PCDHGA10: variants seen among roughly 807,000 people sequenced by gnomAD.
PCDHGA10 encodes the protein protocadherin gamma-A10.
A neutral mutation model predicts 59.5 loss-of-function variants in PCDHGA10; 42 were observed. The observed-to-expected ratio is 0.71, with a 90% CI of 0.55 to 0.91. The LOEUF is 0.91. Among genes scored for constraint, PCDHGA10 ranks in the 40% least tolerant of loss-of-function variants. The pLI, the probability that PCDHGA10 is intolerant of heterozygous loss-of-function variation, is 0.00. For missense variants in PCDHGA10, 1,111 were observed against 1,198.2 expected (o/e 0.93, Z 1.07); for synonymous variants, 511 against 517.2 (o/e 0.99, Z 0.16).
At chr5:141,441,527 A>G (rs2098252922) in intron 1 of PCDHGA10, 2 of 173,076 alleles carry the variant, frequency 1.2e-5, no homozygotes, top group African/African-American at 2.4e-5. Flanking sequence ...GTGGCCAAGA[A>G]CAATCTTCCC....
chr5:141,418,411 C>T, intron 1 of PCDHGA10: 1 of 1,613,986 alleles, frequency 6.2e-7, no homozygotes, highest in East Asian at 2.2e-5. Flanking sequence ...TGGAGAAAGA[C>T]AATCCTGATG....
intron 1 of PCDHGA10, chr5:141,421,166 A>T: frequency 7.7e-7 from 1 of 1,301,524 alleles, no homozygotes; most frequent in Non-Finnish European, 1.0e-6. Context: ...CTTCATAGAT[A>T]CATAAGCCGA....
At chr5:141,424,668 A>G (rs1561816018) in intron 1 of PCDHGA10, 1 of 152,196 alleles carries the variant, frequency 6.6e-6, no homozygotes, top group Non-Finnish European at 1.5e-5. Flanking sequence ...AATTAAACTG[A>G]TTTAGCTAGT....
chr5:141,421,420 G>C, intron 1 of PCDHGA10: 1 of 1,614,084 alleles, frequency 6.2e-7, no homozygotes, highest in Non-Finnish European at 8.5e-7. Context: ...GAAGCGCGGA[G>C]TCCGCATCGT....
rs549866784 is a variant in PCDHGA10, at chr5:141,437,490, A to G, written c.2436+21879A>G. ...TTTTATAGCATATTTAATCTCGTAGATCACTTTTCAATGAATTATAAGGCT... is the reference window on the plus strand; with the variant it reads ...TTTTATAGCATATTTAATCTCGTAGGTCACTTTTCAATGAATTATAAGGCT... On this transcript the variant is annotated intron_variant, in intron 1 of 3. Coordinates refer to ENST00000398610, the MANE Select transcript of PCDHGA10 (RefSeq NM_018913.3). 2.0e-5 allele frequency among the ~76,000 whole-genome samples: 3 copies of G among 152,308 alleles called. No homozygotes were observed. In the East Asian group the frequency reaches 5.8e-4, roughly 29 times the overall value.
intron 1 of PCDHGA10, among the ~76,000 whole-genome samples, chr5:141,484,740 G>GA (rs1047805396): frequency 2.0e-5 from 3 of 150,646 alleles, no homozygotes; most frequent in Admixed American, 1.3e-4. Context: ...GGTGTGTTAG[G>GA]AAAAAAAATG....
intron 1 of PCDHGA10, chr5:141,419,043 ATTC>A (rs560207463): frequency 6.2e-5 from 100 of 1,613,840 alleles, no homozygotes; most frequent in Non-Finnish European, 8.1e-5. Context: ...TTTAAGATTC[ATTC>A]TTCTTCTAAT....
In PCDHGA10 at chr5:141,476,776, G is replaced by A. The variant is rs764674164; in HGVS notation, c.2437-18031G>A. 9.3e-6 allele frequency: 15 copies of A among 1,612,744 alleles called. No homozygotes were observed. The highest frequency in any genetic ancestry group is 1.3e-5 in the Non-Finnish European group (15 of 1,179,218). On this transcript the variant is annotated intron_variant, in intron 1 of 3. Coordinates refer to ENST00000398610, the MANE Select transcript of PCDHGA10 (RefSeq NM_018913.3). This position sits in a 1 kb window ranked among gnomAD's most constrained non-coding sequence, Gnocchi z 7.6. ...TAGTGCTGACGGCGTTGGACGGAGG[G>A]ACCCCAGCTCTCTCCGCCAGCCTGC...
At chr5:141,497,465 G>A (rs189158903) in intron 2 of PCDHGA10, among the ~76,000 whole-genome samples, 1 of 152,024 alleles carries the variant, frequency 6.6e-6, no homozygotes, top group East Asian at 1.9e-4. Flanking sequence ...TTGGAGATAT[G>A]GAGGAGAAGG....
intron 1 of PCDHGA10, chr5:141,417,038 T>TAAA (rs567249795): frequency 5.5e-5 from 8 of 145,968 alleles, no homozygotes; most frequent in East Asian, 2.0e-4. Context: ...GTTTTTTTTT[T>TAAA]AAAAAAAACT....
In PCDHGA10 at chr5:141,486,649, C is replaced by G; in HGVS notation, c.2437-8158C>G. On this transcript the variant is annotated intron_variant, in intron 1 of 3. Transcript: ENST00000398610. This position sits in a 1 kb window ranked among gnomAD's most constrained non-coding sequence, Gnocchi z 5.0. The stretch of plus-strand genomic sequence containing the variant: ...CTGGCTTGAATGCGCTTATCTCCTA[C>G]TCACTCCTGGAGCCCAGGAATCGAG... The G allele has an allele frequency of 6.2e-7, 1 of 1,613,952 alleles. No individual in the cohort carries two copies. The highest frequency in any genetic ancestry group is 8.5e-7 in the Non-Finnish European group (1 of 1,180,034).
Position 141,413,166 on chromosome 5 carries a change from C to A in PCDHGA10, c.-10C>A, listed in dbSNP as rs758193163. 1.9e-6 allele frequency: 3 copies of A among 1,590,396 alleles called. No individual in the cohort carries two copies. The highest frequency in any genetic ancestry group is 2.3e-5 in the South Asian group (2 of 87,900). On this transcript the variant is annotated 5_prime_UTR_variant, in exon 1 of 4. Coordinates refer to ENST00000398610, the MANE Select transcript of PCDHGA10 (RefSeq NM_018913.3). ...GTGAGGACTTTGCAGAATTCTGTAA[C>A]CAGACTACAATGGCCGCTCAAAGGA...
Position 141,510,964 on chromosome 5 carries a change from T to C in PCDHGA10, c.2602T>C (p.Ser868Pro), listed in dbSNP as rs1237904575. 6.2e-7 allele frequency: 1 copy of C among 1,614,084 alleles called. No individual in the cohort carries two copies. Among genetic ancestry groups the C allele is most frequent in the South Asian group, 1.1e-5 (1 of 91,082 alleles). The change falls in exon 4 of 4, where the codon TCC becomes CCC. Residue 868 changes from serine to proline, a missense_variant. Coordinates refer to ENST00000398610, the MANE Select transcript of PCDHGA10 (RefSeq NM_018913.3). ...CTCTGCAGAAGCTGCTGATGGGAGC[T>C]CCACCCTGGGAGGGGGTGCCGGCAC... is the stretch of plus-strand genomic sequence containing the variant. The part of the protein sequence containing the change: ...ASASEAADGS[S>P]TLGGGAGTMG...
chr5:141,424,018 CACAA>C (rs909442976), intron 1 of PCDHGA10: 3 of 1,051,682 alleles, frequency 2.9e-6, no homozygotes, highest in South Asian at 4.6e-5. Context: ...ATTAATGATT[CACAA>C]ACACTTTTTA....
In PCDHGA10 at chr5:141,476,178, T is replaced by G; in HGVS notation, c.2437-18629T>G. Reference sequence around the variant, plus strand: ...ACCGGGAGGGTAGTGGGAGTTTTGCTTCTGCTTGGTGCCTTGAACAAGGCT... The same window carrying G: ...ACCGGGAGGGTAGTGGGAGTTTTGCGTCTGCTTGGTGCCTTGAACAAGGCT... On this transcript the variant is annotated intron_variant, in intron 1 of 3. Transcript: ENST00000398610. This position sits in a 1 kb window ranked among gnomAD's most constrained non-coding sequence, Gnocchi z 7.6. The G allele has an allele frequency of 3.1e-6, 5 of 1,613,632 alleles. No homozygotes were observed. Among genetic ancestry groups the G allele is most frequent in the Non-Finnish European group, 4.2e-6 (5 of 1,180,000 alleles).
chr5:141,429,638 A>G (rs2097231013), intron 1 of PCDHGA10, among the ~76,000 whole-genome samples: 1 of 152,238 alleles, frequency 6.6e-6, no homozygotes, highest in African/African-American at 2.4e-5. Flanking sequence ...ACAGCTACCT[A>G]TATATTTCTT....
In PCDHGA10 at chr5:141,485,186, G is replaced by T; in HGVS notation, c.2437-9621G>T. ...GCGGGCGGCAGCAATGCTCCGCAAG[G>T]TGAGAAGCTGGACAGAAATCTGGCG... On this transcript the variant is annotated intron_variant, in intron 1 of 3. Coordinates refer to ENST00000398610, the MANE Select transcript of PCDHGA10 (RefSeq NM_018913.3). This position sits in a 1 kb window ranked among gnomAD's most constrained non-coding sequence, Gnocchi z 5.7. 1 of 1,613,706 alleles carries T rather than the reference G, an allele frequency of 6.2e-7. No individual in the cohort carries two copies. The highest frequency in any genetic ancestry group is 8.5e-7 in the Non-Finnish European group (1 of 1,179,644).
Position 141,485,369 on chromosome 5 carries a change from G to T in PCDHGA10, c.2437-9438G>T. On this transcript the variant is annotated intron_variant, in intron 1 of 3. Transcript: ENST00000398610. This position sits in a 1 kb window ranked among gnomAD's most constrained non-coding sequence, Gnocchi z 5.7. ...CAGTCTGTCAGCTCGCAGGCTGCAG[G>T]TCGCTGGAGAGGTGAACCAAAGACA... 1 of 1,614,154 alleles carries T rather than the reference G, an allele frequency of 6.2e-7. No individual in the cohort carries two copies. The highest frequency in any genetic ancestry group is 1.1e-5 in the South Asian group (1 of 91,088).
In PCDHGA10 at chr5:141,431,118, A is replaced by T. The variant is rs2097344347; in HGVS notation, c.2436+15507A>T. On this transcript the variant is annotated intron_variant, in intron 1 of 3. Coordinates refer to ENST00000398610, the MANE Select transcript of PCDHGA10 (RefSeq NM_018913.3). This position sits in a 1 kb window ranked among gnomAD's most constrained non-coding sequence, Gnocchi z 4.8. ...GATAAAGTGAAAATATATGGAGTAG[A>T]AGTAGAAGTAAGGGACATTAACGAC... is the stretch of plus-strand genomic sequence containing the variant. The T allele has an allele frequency of 6.2e-7, 1 of 1,614,182 alleles. No homozygotes were observed. Among genetic ancestry groups the T allele is most frequent in the African/African-American group, 1.3e-5 (1 of 75,070 alleles).
Sources: allele counts gnomAD v4.1 joint callset (sites outside exome capture counted in the v4.1 genomes callset), GRCh38; gene constraint gnomAD v4.1.1; non-coding constraint Gnocchi (gnomAD v3.1); transcripts MANE v1.5; gene names NCBI Gene and HGNC (gene_info 2026-07-23, HGNC 2026-07-21).